ARPIN: variants seen among roughly 807,000 people sequenced by gnomAD.
ARPIN encodes the protein UPF0552 protein C15orf38.
In ARPIN, 23 loss-of-function variants were observed where a neutral mutation model predicts 25.9. The ratio of observed to expected loss-of-function variants is 0.89; its 90% confidence interval spans 0.64 to 1.26. The LOEUF (loss-of-function observed/expected upper bound fraction) is 1.26. Among genes scored for constraint, ARPIN ranks in the 50% most tolerant of loss-of-function variants. The pLI is 0.00. For missense variants in ARPIN, 333 were observed against 312.2 expected (o/e 1.07, Z -0.50); for synonymous variants, 126 against 131.4 (o/e 0.96, Z 0.28).
In ARPIN at chr15:89,901,461, T is replaced by C. The variant is rs1897019478; in HGVS notation, c.*334A>G. ...TGGGAGGTGGAGGGGGGTGGATCGCTTGAGTCCAGGAGTTTGAGATCAGCC... is the reference window on the plus strand; with the variant it reads ...TGGGAGGTGGAGGGGGGTGGATCGCCTGAGTCCAGGAGTTTGAGATCAGCC... On this transcript the variant is annotated 3_prime_UTR_variant, in exon 6 of 6. Coordinates refer to ENST00000357484, the MANE Select transcript of ARPIN (RefSeq NM_182616.4). The C allele has an allele frequency of 6.3e-6, 2 of 319,572 alleles. No individual in the cohort carries two copies. Among genetic ancestry groups the C allele is most frequent in the Non-Finnish European group, 5.8e-6 (1 of 170,984 alleles). The allele number at this position is 319,572 out of a possible 1,614,324, so 19.8% of individuals were successfully genotyped here.
At chr15:89,902,800 ACCAGGTCAG>A in intron 5 of ARPIN, 7 of 1,061,716 alleles carry the variant, frequency 6.6e-6, no homozygotes, top group Non-Finnish European at 8.1e-6. Context: ...ACCAGTAAGG[ACCAGGTCAG>A]CCATTCTCCA....
rs926317184 is a variant in ARPIN at position 89,895,298 on chromosome 15, A to T, written c.*6497T>A. ...TTCATGACACCTGTTAAGCTAAAAG[A>T]TTACACAAAGTATGTACAGGGACAA... On this transcript the variant is annotated 3_prime_UTR_variant, in exon 6 of 6. Coordinates refer to ENST00000357484, the MANE Select transcript of ARPIN (RefSeq NM_182616.4). 1.3e-5 allele frequency: 2 copies of T among 152,210 alleles called. No homozygotes were observed. The highest frequency in any genetic ancestry group is 4.8e-5 in the African/African-American group (2 of 41,448). 9.4% of individuals were successfully genotyped at this position (152,210 alleles called of 1,614,324 possible). A position where few individuals can be genotyped will look rare whatever the true frequency, so the allele number is the denominator to read the frequency against.
intron 2 of ARPIN, among the ~76,000 whole-genome samples, chr15:89,910,389 G>C (rs1449362559): frequency 6.6e-6 from 1 of 152,174 alleles, no homozygotes; most frequent in Non-Finnish European, 1.5e-5. Context: ...GAGGCTGAGA[G>C]GGCAAAGGCA....
chr15:89,903,055 G>T (rs1224842851), intron 5 of ARPIN, 161 bp downstream of exon 5: 12 of 1,514,528 alleles, frequency 7.9e-6, no homozygotes, highest in Non-Finnish European at 1.1e-5. Context: ...TACCTTAGAG[G>T]AATTCTCCTG....
chr15:89,903,967 C>T lies in ARPIN; in HGVS notation c.318G>A (p.Gly106=). Residue 106 remains glycine (G), a synonymous_variant, in exon 4 of 6, where the codon GGG becomes GGA. Coordinates refer to ENST00000357484, the MANE Select transcript of ARPIN (RefSeq NM_182616.4). ...LMSSYKVEAK[G]DTDRLTPEAL... ...CCTCGGGCGTGAGCCTGTCAGTGTC[C>T]CCCTTGGCTTCCACCTCTGCAGGCA... 1 of 1,607,194 alleles carries T rather than the reference C, an allele frequency of 6.2e-7. No individual in the cohort carries two copies. The highest frequency in any genetic ancestry group is 8.5e-7 in the Non-Finnish European group (1 of 1,179,100).
chr15:89,901,532 T>G lies in ARPIN; in HGVS notation c.*263A>C. ...CCATCTCTAATTTTTTTTTAAAGGGTCATCATGTAATGTCTAGGAAGGCTA... is the reference window on the plus strand; with the variant it reads ...CCATCTCTAATTTTTTTTTAAAGGGGCATCATGTAATGTCTAGGAAGGCTA... On this transcript the variant is annotated 3_prime_UTR_variant, in exon 6 of 6. Coordinates refer to ENST00000357484, the MANE Select transcript of ARPIN (RefSeq NM_182616.4). The G allele has an allele frequency of 1.9e-6, 1 of 516,130 alleles. No individual in the cohort carries two copies. The highest frequency in any genetic ancestry group is 3.4e-6 in the Non-Finnish European group (1 of 289,860). The allele number at this position is 516,130 out of a possible 1,614,324, so 32.0% of individuals were successfully genotyped here.
Position 89,904,010 on chromosome 15 carries a change from A to C in ARPIN, c.302-27T>G, listed in dbSNP as rs139444662. Reference sequence around the variant, plus strand: ...TGCAGGCACAGAGCGCAGGAGGGTCATTATCACTGTGGCAGCAAGAACTTC... The same window carrying C: ...TGCAGGCACAGAGCGCAGGAGGGTCCTTATCACTGTGGCAGCAAGAACTTC... On this transcript the variant is annotated intron_variant, in intron 3 of 5. Coordinates refer to ENST00000357484, the MANE Select transcript of ARPIN (RefSeq NM_182616.4). The C allele has an allele frequency of 1.1e-4, 181 of 1,576,366 alleles. 1 individual carries two copies. In the East Asian group the frequency reaches 3.0e-3, roughly 26 times the overall value.
At chr15:89,905,609 A>G (rs1338711380) in intron 3 of ARPIN, among the ~76,000 whole-genome samples, 1 of 151,990 alleles carries the variant, frequency 6.6e-6, no homozygotes, top group African/African-American at 2.4e-5. Context: ...AGACCTAACT[A>G]ACCCGTGGGC....
rs952940865 is a variant in ARPIN at position 89,895,302 on chromosome 15, C to T, written c.*6493G>A. 2.6e-5 allele frequency: 4 copies of T among 152,100 alleles called. No homozygotes were observed. Among genetic ancestry groups the T allele is most frequent in the Non-Finnish European group, 5.9e-5 (4 of 68,012 alleles). The allele number at this position is 152,100 out of a possible 1,614,324, so 9.4% of individuals were successfully genotyped here. A position where few individuals can be genotyped will look rare whatever the true frequency, so the allele number is the denominator to read the frequency against. On this transcript the variant is annotated 3_prime_UTR_variant, in exon 6 of 6. Transcript: ENST00000357484. ...TGACACCTGTTAAGCTAAAAGATTA[C>T]ACAAAGTATGTACAGGGACAACCCA...
chr15:89,912,472 G>T (rs1461971417), intron 1 of ARPIN: 3 of 1,249,418 alleles, frequency 2.4e-6, no homozygotes, highest in African/African-American at 1.6e-5. Flanking sequence ...GCGAAGCCCA[G>T]CCTTCGGAGA....
intron 2 of ARPIN, among the ~76,000 whole-genome samples, chr15:89,909,940 G>T (rs148354317): frequency 3.0e-4 from 45 of 152,284 alleles, no homozygotes; most frequent in African/African-American, 1.1e-3. Context: ...CTAGGAGAAG[G>T]CCCTGCCTGA....
At chr15:89,903,066 A>G in intron 5 of ARPIN, 150 bp downstream of exon 5, 1 of 1,539,920 alleles carries the variant, frequency 6.5e-7, no homozygotes. Context: ...AATTCTCCTG[A>G]TGCTAACACA....
intron 1 of ARPIN, chr15:89,912,106 C>T: frequency 1.2e-6 from 1 of 807,278 alleles, no homozygotes; most frequent in Non-Finnish European, 1.5e-6. Flanking sequence ...CAGGCGTGAA[C>T]CACAGCGCCT....
chr15:89,905,614 G>A (rs1404025389), intron 3 of ARPIN, among the ~76,000 whole-genome samples: 6 of 151,976 alleles, frequency 3.9e-5, no homozygotes, highest in African/African-American at 1.2e-4. Flanking sequence ...TAACTAACCC[G>A]TGGGCAGTGC....
At position 89,908,376 on chromosome 15, in the gene ARPIN, T is replaced by C. The variant is rs779276187; in HGVS notation, c.205A>G (p.Ile69Val). Residue 69 changes from isoleucine to valine, a missense_variant, in exon 3 of 6, where the codon ATC (isoleucine) becomes GTC (valine). By Grantham distance (29) the Ile-to-Val change is conservative (BLOSUM62 3). Coordinates refer to ENST00000357484, the MANE Select transcript of ARPIN (RefSeq NM_182616.4). The stretch of plus-strand genomic sequence containing the variant: ...TTGGCGTCGAATTTACGGCGATGGA[T>C]GTGACTGGGCCGGATATACAGCACG... ...YYVLYIRPSH[I>V]HRRKFDAKGN... The C allele has an allele frequency of 6.2e-6, 10 of 1,614,008 alleles. No homozygotes were observed. The Admixed American group carries it at 1.7e-4, about 27-fold the overall frequency.
chr15:89,901,953 C>T, intron 5 of ARPIN, 150 bp from the exon 6 acceptor site: 1 of 785,470 alleles, frequency 1.3e-6, no homozygotes, highest in Admixed American at 2.4e-5. Context: ...GGCCCGGCAG[C>T]TCCAACAGCT....
chr15:89,901,584 C>T lies in ARPIN; in HGVS notation c.*211G>A, dbSNP rs1897021807. The T allele has an allele frequency of 1.7e-6, 1 of 603,462 alleles. No individual in the cohort carries two copies. The highest frequency in any genetic ancestry group is 2.9e-6 in the Non-Finnish European group (1 of 341,080). 37.4% of individuals were successfully genotyped at this position (603,462 alleles called of 1,614,324 possible). On this transcript the variant is annotated 3_prime_UTR_variant, in exon 6 of 6. Coordinates refer to ENST00000357484, the MANE Select transcript of ARPIN (RefSeq NM_182616.4). ...ACTCACATGCAGGGAGGGGCCCTCCCTGAGCCACAGCATGAGGCCCCACCA... is the reference window on the plus strand; with the variant it reads ...ACTCACATGCAGGGAGGGGCCCTCCTTGAGCCACAGCATGAGGCCCCACCA...
rs1897017858 is a variant in ARPIN, at chr15:89,901,403, G to A, written c.*392C>T. 2 of 248,634 alleles carry A rather than the reference G, an allele frequency of 8.0e-6. No individual in the cohort carries two copies. The highest frequency in any genetic ancestry group is 1.1e-4 in the Admixed American group (2 of 18,930). 15.4% of individuals were successfully genotyped at this position (248,634 alleles called of 1,614,324 possible). ...AGGGCCAGGGTCAACATGAGGCTGG[G>A]TGCAGTGGCTCACGCCTGTAATCCC... On this transcript the variant is annotated 3_prime_UTR_variant, in exon 6 of 6. Transcript: ENST00000357484.
In ARPIN at chr15:89,912,762, T is replaced by C; in HGVS notation, c.74A>G (p.Asp25Gly). The C allele has an allele frequency of 2.3e-6, 3 of 1,286,996 alleles. No homozygotes were observed. Among genetic ancestry groups the C allele is most frequent in the Admixed American group, 2.9e-5 (1 of 34,562 alleles). 79.7% of individuals were successfully genotyped at this position (1,286,996 alleles called of 1,614,324 possible). A position where few individuals can be genotyped will look rare whatever the true frequency, so the allele number is the denominator to read the frequency against. ...VQSVRLPGAW[D>G]PAAHQGGNGV... ...GGCCTACCCCTGGTGGGCGGCGGGG[T>C]CCCAGGCCCCTGGCAGCCGGACGCT... The change falls in exon 1 of 6, where the codon GAC (aspartate) becomes GGC (glycine). Residue 25 changes from aspartate (D) to glycine (G), a missense_variant. Physicochemically the swap from Asp to Gly is moderately conservative, Grantham distance 94. Transcript: ENST00000357484.
Sources: allele counts gnomAD v4.1 joint callset (sites outside exome capture counted in the v4.1 genomes callset), GRCh38; gene constraint gnomAD v4.1.1; transcripts MANE v1.5; gene names NCBI Gene and HGNC (gene_info 2026-07-23, HGNC 2026-07-21).